STT3B: variants seen among roughly 807,000 people sequenced by gnomAD.
STT3B encodes dolichyl-diphosphooligosaccharide--protein glycosyltransferase subunit STT3B.
STT3B carries 29 observed loss-of-function variants against 96.8 expected under a neutral mutation model. That is an observed-to-expected ratio of 0.30 (90% CI 0.22 to 0.41). The LOEUF is 0.41. STT3B is among the 10% of genes least tolerant of loss of function. STT3B has a pLI of 1.00. For missense variants in STT3B, 640 were observed against 1,022.3 expected (o/e 0.63, Z 5.10); for synonymous variants, 367 against 360.0 (o/e 1.02, Z -0.22).
rs192732103 is a variant in STT3B, at chr3:31,553,586, A to G, written c.314+20274A>G. 5.7e-4 allele frequency among the ~76,000 whole-genome samples: 87 copies of G among 152,350 alleles called. 2 individuals are homozygous for G. Among genetic ancestry groups the G allele is most frequent in the Middle Eastern group, 6.8e-3 (2 of 294 alleles). On this transcript the variant is annotated intron_variant, in intron 1 of 15. Transcript: ENST00000295770. ...AATGAATCTATGGTGAAAGAAGTCAAAGTATGCTTGGAAAGAAGTGCCTAA... is the reference window on the plus strand; with the variant it reads ...AATGAATCTATGGTGAAAGAAGTCAGAGTATGCTTGGAAAGAAGTGCCTAA...
chr3:31,554,532 C>G (rs1697643945), intron 1 of STT3B, among the ~76,000 whole-genome samples: 1 of 152,052 alleles, frequency 6.6e-6, no homozygotes, highest in South Asian at 2.1e-4. Flanking sequence ...GTCTGAATTT[C>G]CCAAAACCGC....
rs1277524194 is a variant in STT3B, at chr3:31,633,307, A to G, written c.2400+160A>G. 1.0e-5 allele frequency: 7 copies of G among 678,508 alleles called. No individual in the cohort carries two copies. The East Asian group carries it at 1.1e-4, about 11-fold the overall frequency. 42.0% of individuals were successfully genotyped at this position (678,508 alleles called of 1,614,324 possible). On this transcript the variant is annotated intron_variant, in intron 15 of 15. Transcript: ENST00000295770. ...AATATCAGCCTAGCCTGCTAGGAGC[A>G]TTCCTTTCAAACTGAGCACTTCAGA... is the stretch of plus-strand genomic sequence containing the variant.
chr3:31,564,407 C>A (rs1697952529), intron 1 of STT3B, among the ~76,000 whole-genome samples: 1 of 152,180 alleles, frequency 6.6e-6, no homozygotes, highest in Non-Finnish European at 1.5e-5. Flanking sequence ...GTGAAATAGA[C>A]CCCTGGCTTT....
chr3:31,602,660 ATT>A (rs11316900), intron 5 of STT3B, among the ~76,000 whole-genome samples: 20,116 of 124,928 alleles, frequency 0.16, 1,980 homozygotes, highest in African/African-American at 0.34. Flanking sequence ...GGTAGCTGGG[ATT>A]TTTTTTTTTT....
chr3:31,625,932 C>A, intron 12 of STT3B, 22 bp from the exon 13 acceptor site: 2 of 1,549,072 alleles, frequency 1.3e-6, no homozygotes, highest in South Asian at 1.2e-5. Flanking sequence ...AAAACATTCT[C>A]ATTTTTTTTT....
chr3:31,533,232 C>T lies in STT3B; in HGVS notation c.234C>T (p.Phe78=), dbSNP rs1210264930. The part of the protein sequence containing the change: ...WQSLLSFTIL[F]LAWLAGFSSR... ...CGCTTCTCTCCTTCACCATCCTCTT[C>T]CTGGCCTGGCTTGCCGGCTTCAGCT... is the stretch of plus-strand genomic sequence containing the variant. The change falls in exon 1 of 16, where the codon TTC becomes TTT. Residue 78 remains phenylalanine (F), a synonymous_variant. Transcript: ENST00000295770. 6.7e-7 allele frequency: 1 copy of T among 1,489,420 alleles called. No homozygotes were observed. Among genetic ancestry groups the T allele is most frequent in the Non-Finnish European group, 9.0e-7 (1 of 1,116,414 alleles). 92.3% of individuals were successfully genotyped at this position (1,489,420 alleles called of 1,614,324 possible).
At chr3:31,576,307 A>G in intron 1 of STT3B, 89 bp from the exon 2 acceptor site, 2 of 666,882 alleles carry the variant, frequency 3.0e-6, no homozygotes, top group Non-Finnish European at 4.9e-6. Flanking sequence ...TCTGAAAGAT[A>G]CATTTATGTA....
At chr3:31,533,525 C>A (rs1697002548) in intron 1 of STT3B, 1 of 494,960 alleles carries the variant, frequency 2.0e-6, no homozygotes, top group Non-Finnish European at 3.1e-6. Context: ...GCGTCGGGGT[C>A]CAGGAGCGAA....
chr3:31,617,893 AAAT>A, intron 7 of STT3B, 44 bp from the exon 8 acceptor site: 2 of 1,319,616 alleles, frequency 1.5e-6, no homozygotes, highest in Non-Finnish European at 2.2e-6. Context: ...AAGATTTACA[AAAT>A]AATAAAAAGG....
chr3:31,632,669 G>GT lies in STT3B; in HGVS notation c.2188-250dup, dbSNP rs58688269. 1.8e-3 allele frequency among the ~76,000 whole-genome samples: 258 copies of GT among 144,568 alleles called. 1 individual carries two copies. The highest frequency in any genetic ancestry group is 6.3e-3 in the African/African-American group (244 of 38,844). 94.8% of individuals were successfully genotyped at this position (144,568 alleles called of 152,430 possible). Reference sequence around the variant, plus strand: ...AGATTTCATTTCTATGTTTTGGTGGGTTTTTTTTTTTTTTTTAATGCCTTT... The same window carrying GT: ...AGATTTCATTTCTATGTTTTGGTGGGTTTTTTTTTTTTTTTTTAATGCCTTT... On this transcript the variant is annotated intron_variant, in intron 14 of 15. Transcript: ENST00000295770.
chr3:31,606,489 G>T (rs79973655), intron 5 of STT3B, among the ~76,000 whole-genome samples: 3 of 119,880 alleles, frequency 2.5e-5, no homozygotes, highest in Non-Finnish European at 6.3e-5. Context: ...AGGGGTTAAG[G>T]TACAGTTCAG....
chr3:31,538,607 A>G lies in STT3B; in HGVS notation c.314+5295A>G, dbSNP rs139826434. The stretch of plus-strand genomic sequence containing the variant: ...CTGTTGTCTCTGCCATCTTTCATCC[A>G]GAGGTAATGGTTTAGCTTTAGTGTG... On this transcript the variant is annotated intron_variant, in intron 1 of 15. Coordinates refer to ENST00000295770, the MANE Select transcript of STT3B (RefSeq NM_178862.3). Among the ~76,000 whole-genome samples the G allele has an allele frequency of 1.8e-4, 28 of 152,302 alleles. No individual in the cohort carries two copies. In the East Asian group the frequency reaches 5.2e-3, roughly 28 times the overall value.
At chr3:31,547,227 T>G (rs547533142) in intron 1 of STT3B, among the ~76,000 whole-genome samples, 2 of 152,280 alleles carry the variant, frequency 1.3e-5, no homozygotes, top group African/African-American at 4.8e-5. Flanking sequence ...TTCCCTAAAT[T>G]ATTCGTTTGG....
At chr3:31,579,370 C>G (rs1162359906) in intron 2 of STT3B, among the ~76,000 whole-genome samples, 2 of 145,162 alleles carry the variant, frequency 1.4e-5, no homozygotes, top group African/African-American at 5.1e-5. Context: ...TGTAATTTTT[C>G]TTTATCTTCC....
intron 6 of STT3B, 62 bp from the exon 7 acceptor site, chr3:31,616,867 A>C: frequency 6.8e-7 from 1 of 1,460,362 alleles, no homozygotes; most frequent in Non-Finnish European, 9.3e-7. Flanking sequence ...CTTTCAAATG[A>C]AAGTTTTTAA....
rs75648815 is a variant in STT3B at position 31,569,609 on chromosome 3, A to G, written c.315-6787A>G. 5.6e-3 allele frequency among the ~76,000 whole-genome samples: 860 copies of G among 152,288 alleles called. 10 individuals are homozygous for G. The highest frequency in any genetic ancestry group is 0.019 in the African/African-American group (801 of 41,558). ...GCAATTTTTTGTCACACTTGCTTCA[A>G]AACAGATTCTTTTATTATAGTTAAA... On this transcript the variant is annotated intron_variant, in intron 1 of 15. Coordinates refer to ENST00000295770, the MANE Select transcript of STT3B (RefSeq NM_178862.3).
chr3:31,555,009 C>T (rs1243212670), intron 1 of STT3B, among the ~76,000 whole-genome samples: 2 of 152,138 alleles, frequency 1.3e-5, no homozygotes, highest in South Asian at 2.1e-4. Flanking sequence ...ATCATAATTA[C>T]TGGATTCCAC....
At chr3:31,582,268 C>T (rs576537295) in intron 3 of STT3B, among the ~76,000 whole-genome samples, 1 of 147,090 alleles carries the variant, frequency 6.8e-6, no homozygotes, top group Non-Finnish European at 1.5e-5. Flanking sequence ...TTTCTGGAAG[C>T]TTTGGGTTTA....
intron 3 of STT3B, among the ~76,000 whole-genome samples, chr3:31,591,678 C>T (rs922004158): frequency 6.6e-6 from 1 of 151,898 alleles, no homozygotes; most frequent in Non-Finnish European, 1.5e-5. Flanking sequence ...CTGTTATTGT[C>T]GTATGTATTA....
Sources: allele counts gnomAD v4.1 joint callset (sites outside exome capture counted in the v4.1 genomes callset), GRCh38; gene constraint gnomAD v4.1.1; transcripts MANE v1.5; gene names NCBI Gene and HGNC (gene_info 2026-07-23, HGNC 2026-07-21).